The following PPP2R2B variants were observed in gnomAD, a reference collection of about 807,000 sequenced individuals.
PPP2R2B encodes serine/threonine-protein phosphatase 2A 55 kDa regulatory subunit B beta isoform.
A neutral mutation model predicts 46.0 loss-of-function variants in PPP2R2B; 5 were observed. The observed-to-expected ratio is 0.11, with a 90% CI of 0.06 to 0.23. PPP2R2B has a LOEUF of 0.23. Ranked by LOEUF, PPP2R2B falls within the 10% of genes least tolerant of loss-of-function variation. PPP2R2B has a pLI of 1.00. For missense variants in PPP2R2B, 367 were observed against 575.0 expected, an observed-to-expected ratio of 0.64 and a Z score of 3.70; for synonymous variants, 215 against 206.7, an observed-to-expected ratio of 1.04 and a Z score of -0.34.
upstream of PPP2R2B, among the ~76,000 whole-genome samples, chr5:146,880,852 T>A (rs926536273): frequency 3.9e-5 from 6 of 152,252 alleles, no homozygotes; most frequent in African/African-American, 1.4e-4. Flanking sequence ...AAGACACATG[T>A]TCTGAGAAGG....
At chr5:146,846,172 GAGT>G (rs1759994092) in intron 2 of PPP2R2B, among the ~76,000 whole-genome samples, 1 of 151,754 alleles carries the variant, frequency 6.6e-6, no homozygotes, top group Admixed American at 6.6e-5. Flanking sequence ...TTGAGCCCAG[GAGT>G]TCGTGACCAG....
At chr5:146,717,101 C>A (rs1176501064) in intron 2 of PPP2R2B, among the ~76,000 whole-genome samples, 1 of 152,182 alleles carries the variant, frequency 6.6e-6, no homozygotes, top group Non-Finnish European at 1.5e-5. Flanking sequence ...CTTAAAGTCA[C>A]ACATGTTCCA....
intron 1 of PPP2R2B, among the ~76,000 whole-genome samples, chr5:146,902,355 G>T (rs1164771627): frequency 6.6e-6 from 1 of 152,016 alleles, no homozygotes; most frequent in Non-Finnish European, 1.5e-5. Flanking sequence ...TCTGCAAAAT[G>T]TCTCTCAAAC....
intron 1 of PPP2R2B, among the ~76,000 whole-genome samples, chr5:146,944,856 T>C (rs148841966): frequency 4.1e-4 from 63 of 152,308 alleles, no homozygotes; most frequent in African/African-American, 1.5e-3. Context: ...ATGTCTGATC[T>C]GGTCTCTCAG....
At chr5:146,600,187 T>C (rs1771639337) in intron 8 of PPP2R2B, 104 bp downstream of exon 8, 1 of 1,236,334 alleles carries the variant, frequency 8.1e-7, no homozygotes, top group African/African-American at 1.5e-5. Context: ...TCACCATGCA[T>C]TGCCTTCCAT....
At chr5:146,841,748 A>T (rs927572512) in intron 2 of PPP2R2B, among the ~76,000 whole-genome samples, 1 of 152,132 alleles carries the variant, frequency 6.6e-6, no homozygotes, top group Admixed American at 6.6e-5. Flanking sequence ...ACACATGAAC[A>T]CAGGAGGGGA....
At chr5:146,745,122 A>T in intron 2 of PPP2R2B, among the ~76,000 whole-genome samples, 1 of 149,698 alleles carries the variant, frequency 6.7e-6, no homozygotes, top group African/African-American at 2.5e-5. Flanking sequence ...AGTTGTCTTG[A>T]CTCATTTTCC....
chr5:146,971,120 C>T (rs911616278), intron 1 of PPP2R2B, among the ~76,000 whole-genome samples: 1 of 152,020 alleles, frequency 6.6e-6, no homozygotes, highest in Admixed American at 6.6e-5. Flanking sequence ...CTTTTTGCTC[C>T]TAGTTGTACA....
intron 2 of PPP2R2B, among the ~76,000 whole-genome samples, chr5:147,066,092 C>T (rs1757407886): frequency 6.6e-6 from 1 of 152,050 alleles, no homozygotes; most frequent in South Asian, 2.1e-4. Flanking sequence ...CCACATAGAA[C>T]CATTATTGAT....
chr5:146,764,816 A>C (rs1408723854), intron 2 of PPP2R2B, among the ~76,000 whole-genome samples: 2 of 151,858 alleles, frequency 1.3e-5, no homozygotes, highest in African/African-American at 4.8e-5. Flanking sequence ...AGAGAGAGAG[A>C]GAGAGAGAGA....
chr5:146,862,700 G>A (rs904575993), intron 2 of PPP2R2B, among the ~76,000 whole-genome samples: 1 of 151,890 alleles, frequency 6.6e-6, no homozygotes, highest in Non-Finnish European at 1.5e-5. Context: ...AAACATGAAG[G>A]TTTATAAGCA....
At chr5:147,058,989 C>T (rs1580869186), upstream of PPP2R2B, among the ~76,000 whole-genome samples, 2 of 152,238 alleles carry the variant, frequency 1.3e-5, no homozygotes, top group East Asian at 1.9e-4. Context: ...GTTTGAGAAC[C>T]TCTGGAGTAA....
intron 8 of PPP2R2B, among the ~76,000 whole-genome samples, chr5:146,596,528 G>A (rs1212494419): frequency 6.6e-6 from 1 of 152,178 alleles, no homozygotes. Context: ...CTAGCTGGCT[G>A]TGTTCTAAAA....
rs569402111 is a variant in PPP2R2B, at chr5:146,588,124, A to C, written c.*1823T>G. 6.6e-6 allele frequency: 1 copy of C among 152,066 alleles called. No homozygotes were observed. The highest frequency in any genetic ancestry group is 2.4e-5 in the African/African-American group (1 of 41,392). The allele number at this position is 152,066 out of a possible 1,614,324, so 9.4% of individuals were successfully genotyped here. ...ATCTTGCCCAGAGAGTTTACACCTT[A>C]GCCACTTTACTTGAGATGCCTAAGG... On this transcript the variant is annotated 3_prime_UTR_variant, in exon 10 of 10. Transcript: ENST00000394411.
intron 2 of PPP2R2B, among the ~76,000 whole-genome samples, chr5:146,873,466 T>C (rs1400201362): frequency 1.3e-5 from 2 of 152,222 alleles, no homozygotes; most frequent in African/African-American, 2.4e-5. Flanking sequence ...TCCAAACTCC[T>C]TGTGGTCAAC....
rs531922914 is a variant in PPP2R2B at position 146,950,296 on chromosome 5, C to T, written c.79+105369G>A. On this transcript the variant is annotated intron_variant, in intron 1 of 8. Transcript: ENST00000336640. ...AATAAGGCAATCAGGGAACTTTGAA[C>T]ATGATAGATAATTTATGTTAAAGAA... is the stretch of plus-strand genomic sequence containing the variant. Among the ~76,000 whole-genome samples, 13 of 151,936 alleles carry T rather than the reference C, an allele frequency of 8.6e-5. No homozygotes were observed. In the East Asian group the frequency reaches 2.5e-3, roughly 30 times the overall value.
intron 2 of PPP2R2B, among the ~76,000 whole-genome samples, chr5:146,840,865 G>T (rs1443092086): frequency 6.6e-6 from 1 of 152,110 alleles, no homozygotes; most frequent in Non-Finnish European, 1.5e-5. Context: ...ACTAATAAAA[G>T]AAACAAACAC....
rs947750335 is a variant in PPP2R2B at position 146,826,057 on chromosome 5, C to T, written c.70+51945G>A. Among the ~76,000 whole-genome samples the T allele has an allele frequency of 2.4e-4, 37 of 152,204 alleles. No individual in the cohort carries two copies. In the South Asian group the frequency reaches 2.5e-3, roughly 10 times the overall value. On this transcript the variant is annotated intron_variant, in intron 2 of 9. Coordinates refer to ENST00000394411, the MANE Select transcript of PPP2R2B (RefSeq NM_181675.4). ...GTGTAGAAGCTGTAAAATTTATATCCGGTAAATAATTCAAAGATTAATACC... is the reference window on the plus strand; with the variant it reads ...GTGTAGAAGCTGTAAAATTTATATCTGGTAAATAATTCAAAGATTAATACC...
intron 1 of PPP2R2B, among the ~76,000 whole-genome samples, chr5:147,019,444 T>C (rs551741572): frequency 6.6e-6 from 1 of 152,306 alleles, no homozygotes; most frequent in South Asian, 2.1e-4. Flanking sequence ...GTGGAATGTA[T>C]GTATACAATA....
Sources: gnomAD v4.1 joint callset for allele counts (sites outside exome capture counted in the v4.1 genomes callset) on GRCh38, gnomAD v4.1.1 for gene constraint, MANE v1.5 for transcripts, NCBI Gene and HGNC (gene_info 2026-07-23, HGNC 2026-07-21) for gene names.